SLTM: variants seen among roughly 807,000 people sequenced by gnomAD.
SLTM encodes the protein SAFB-like transcription modulator.
In SLTM, 43 loss-of-function variants were observed where a neutral mutation model predicts 134.6. The observed-to-expected ratio is 0.32, with a 90% CI of 0.25 to 0.41. The LOEUF is 0.41. Ranked by LOEUF, SLTM falls within the 10% of genes least tolerant of loss-of-function variation. The probability of loss-of-function intolerance (pLI) is 1.00; values close to 1 mark genes in which losing one functional copy is unlikely to be tolerated. For synonymous variants in SLTM, 424 were observed against 432.3 expected (o/e 0.98, Z 0.24); for missense variants, 1,055 against 1,288.8 (o/e 0.82, Z 2.78).
chr15:58,889,449 G>C lies in SLTM; in HGVS notation c.2185C>G (p.Pro729Ala). 1.2e-6 allele frequency: 2 copies of C among 1,613,956 alleles called. No homozygotes were observed. The change falls in exon 16 of 21, where the codon CCA (proline) becomes GCA (alanine). Residue 729 changes from proline (P) to alanine (A), a missense_variant. Physicochemically the swap from Pro to Ala is conservative, Grantham distance 27. Around this residue, in one of 3 missense-constraint regions of SLTM, gnomAD observed 776 missense variants for 962.2 expected, o/e 0.81. Coordinates refer to ENST00000380516, the MANE Select transcript of SLTM (RefSeq NM_024755.4). ...EQEKRNSLKR[P>A]RDVDHRRDDP... ...AACTACCTATGATCTACATCACGTGGGCGTTTCAAGGAATTCCTTTTTTCT... is the reference window on the plus strand; with the variant it reads ...AACTACCTATGATCTACATCACGTGCGCGTTTCAAGGAATTCCTTTTTTCT...
chr15:58,894,195 T>A lies in SLTM; in HGVS notation c.1378-2A>T. 1 of 1,598,334 alleles carries A rather than the reference T, an allele frequency of 6.3e-7. No homozygotes were observed. Among genetic ancestry groups the A allele is most frequent in the Non-Finnish European group, 8.5e-7 (1 of 1,170,046 alleles). ...TTTCTTAGAGGGATCACCTTTTACC[T>A]GAAAGGTTCGAACCAGAAAAACAAT... is the stretch of plus-strand genomic sequence containing the variant. On this transcript the variant is annotated splice_acceptor_variant, in intron 10 of 20. Coordinates refer to ENST00000380516, the MANE Select transcript of SLTM (RefSeq NM_024755.4). LOFTEE classifies it high-confidence loss of function.
chr15:58,918,915 CTTT>C (rs566389959), intron 2 of SLTM, among the ~76,000 whole-genome samples: 1 of 145,038 alleles, frequency 6.9e-6, no homozygotes, highest in Non-Finnish European at 1.5e-5. Flanking sequence ...CTACTAAATT[CTTT>C]TTTTTTTTTT....
At chr15:58,926,896 G>A (rs765337780) in intron 2 of SLTM, among the ~76,000 whole-genome samples, 1 of 152,078 alleles carries the variant, frequency 6.6e-6, no homozygotes, top group Admixed American at 6.6e-5. Flanking sequence ...ATAGGTGTGA[G>A]CCACCGCGCC....
intron 2 of SLTM, among the ~76,000 whole-genome samples, chr15:58,925,269 A>C (rs1475179582): frequency 6.6e-6 from 1 of 152,188 alleles, no homozygotes; most frequent in African/African-American, 2.4e-5. Flanking sequence ...TTTTACTAAC[A>C]AAATCATTTT....
chr15:58,900,878 A>G (rs189535806), intron 6 of SLTM: 2 of 177,442 alleles, frequency 1.1e-5, no homozygotes, highest in African/African-American at 4.8e-5. Context: ...TTTTAGGACT[A>G]GTTGTAAAAT....
At chr15:58,930,039 C>T (rs1216148097) in intron 2 of SLTM, among the ~76,000 whole-genome samples, 2 of 151,992 alleles carry the variant, frequency 1.3e-5, no homozygotes, top group East Asian at 3.9e-4. Context: ...ACAATGATAG[C>T]CGGATTTCAA....
chr15:58,924,025 G>A (rs1270827694), intron 2 of SLTM, among the ~76,000 whole-genome samples: 2 of 151,974 alleles, frequency 1.3e-5, no homozygotes, highest in Non-Finnish European at 2.9e-5. Context: ...ATGTTGGCCA[G>A]GCTGGTCTCG....
chr15:58,881,983 G>C (rs1013398871), intron 20 of SLTM, among the ~76,000 whole-genome samples: 36 of 151,608 alleles, frequency 2.4e-4, no homozygotes, highest in African/African-American at 8.5e-4. Context: ...GGCTGAGGTG[G>C]GCAGATCACA....
At chr15:58,894,038 C>T (rs748503609) in intron 11 of SLTM, 51 bp from the exon 12 acceptor site, 4 of 1,599,806 alleles carry the variant, frequency 2.5e-6, no homozygotes, top group Non-Finnish European at 3.4e-6. Context: ...TCATAATGTA[C>T]CAAAAAAGTC....
intron 8 of SLTM, chr15:58,897,442 G>C (rs1298283975): frequency 4.5e-6 from 2 of 448,218 alleles, no homozygotes; most frequent in Non-Finnish European, 4.0e-6. Context: ...TATTGTATGA[G>C]TTCTAAGTTG....
At chr15:58,911,194 C>G (rs181421505) in intron 5 of SLTM, among the ~76,000 whole-genome samples, 69 of 152,296 alleles carry the variant, frequency 4.5e-4, no homozygotes, top group African/African-American at 1.6e-3. Context: ...AACTTCTCCT[C>G]CACTGTGACA....
chr15:58,933,291 C>T (rs1595971003), intron 1 of SLTM, 113 bp downstream of exon 1: 2 of 1,219,330 alleles, frequency 1.6e-6, no homozygotes, highest in Non-Finnish European at 2.2e-6. Context: ...CCTACCATGC[C>T]GTTCCGCAGG....
intron 5 of SLTM, among the ~76,000 whole-genome samples, chr15:58,909,510 T>C (rs2036106722): frequency 6.6e-6 from 1 of 152,198 alleles, no homozygotes; most frequent in African/African-American, 2.4e-5. Context: ...AAAGTTTCTC[T>C]TTCTAGAAAC....
chr15:58,922,238 G>T (rs1365710446), intron 2 of SLTM, among the ~76,000 whole-genome samples: 1 of 151,194 alleles, frequency 6.6e-6, no homozygotes, highest in African/African-American at 2.4e-5. Flanking sequence ...GTAGCCGGGT[G>T]TGGTGACTCA....
intron 3 of SLTM, among the ~76,000 whole-genome samples, chr15:58,914,904 AAGCTCCTAGGGCTG>A (rs1362220258): frequency 1.3e-5 from 2 of 152,210 alleles, no homozygotes; most frequent in Non-Finnish European, 2.9e-5. Context: ...AATTTTTAAA[AAGCTCCTAGGGCTG>A]GGCATGGTGG....
rs758532299 is a variant in SLTM at position 58,898,854 on chromosome 15, TAA to T, written c.1059-4_1059-3del. ...CTGTCTTTAGATTCCTTTGAAGAGC[TAA>T]AGAGGCAAATCACCAGAAGAAAATT... On this transcript the variant is annotated splice_region_variant and splice_polypyrimidine_tract_variant and intron_variant, in intron 7 of 20. Transcript: ENST00000380516. 43 of 1,606,122 alleles carry T rather than the reference TAA, an allele frequency of 2.7e-5. No homozygotes were observed. The highest frequency in any genetic ancestry group is 4.5e-5 in the East Asian group (2 of 44,638).
intron 20 of SLTM, among the ~76,000 whole-genome samples, chr15:58,881,518 G>A (rs1288026970): frequency 3.6e-5 from 4 of 112,052 alleles, no homozygotes; most frequent in Non-Finnish European, 6.9e-5. Flanking sequence ...CAGATACTTC[G>A]TCTTGGAAAA....
intron 2 of SLTM, among the ~76,000 whole-genome samples, chr15:58,923,436 G>A (rs1254101275): frequency 6.6e-6 from 1 of 152,150 alleles, no homozygotes; most frequent in African/African-American, 2.4e-5. Flanking sequence ...GCCCAACTGG[G>A]AGAAAGGGGT....
At chr15:58,884,752 C>T (rs1264866382) in intron 19 of SLTM, among the ~76,000 whole-genome samples, 4 of 152,114 alleles carry the variant, frequency 2.6e-5, no homozygotes, top group Admixed American at 6.6e-5. Context: ...CTGCTTCAGC[C>T]TCCTGCCTAG....
Sources: allele counts gnomAD v4.1 joint callset (sites outside exome capture counted in the v4.1 genomes callset), GRCh38; gene constraint gnomAD v4.1.1; regional missense constraint gnomAD v4.1.1; transcripts MANE v1.5; gene names NCBI Gene and HGNC (gene_info 2026-07-23, HGNC 2026-07-21).